SNTG1: variants seen among roughly 807,000 people sequenced by gnomAD.
SNTG1 encodes the protein gamma-1-syntrophin.
Under a neutral mutation model 74.7 loss-of-function variants are expected in SNTG1, and 39 were observed. That is an observed-to-expected ratio of 0.52 (90% confidence interval 0.40 to 0.68). The LOEUF (loss-of-function observed/expected upper bound fraction) is 0.68, where lower values mean the gene tolerates loss of function less well. Ranked by LOEUF, SNTG1 falls within the 30% of genes least tolerant of loss-of-function variation. The pLI, the probability that SNTG1 is intolerant of heterozygous loss-of-function variation, is 0.00. For synonymous variants in SNTG1, 254 were observed against 217.1 expected (o/e 1.17, Z -1.49); for missense variants, 685 against 609.5 (o/e 1.12, Z -1.30).
At chr8:50,004,171 A>G (rs1194664318) in intron 1 of SNTG1, among the ~76,000 whole-genome samples, 2 of 152,154 alleles carry the variant, frequency 1.3e-5, no homozygotes, top group Non-Finnish European at 2.9e-5. Context: ...AACGTACACA[A>G]ACCTTTAGCA....
intron 17 of SNTG1, among the ~76,000 whole-genome samples, chr8:50,741,400 G>A (rs1199795527): frequency 6.6e-6 from 1 of 151,934 alleles, no homozygotes; most frequent in Non-Finnish European, 1.5e-5. Flanking sequence ...GGGATTACAG[G>A]CACGAGCCAC....
intron 17 of SNTG1, among the ~76,000 whole-genome samples, chr8:50,724,752 A>C (rs1335894625): frequency 6.6e-6 from 1 of 152,162 alleles, no homozygotes; most frequent in Non-Finnish European, 1.5e-5. Flanking sequence ...ATCTTGCTAC[A>C]ACTCTGTGCT....
chr8:49,932,215 CAG>C (rs1807657450), intron 1 of SNTG1, among the ~76,000 whole-genome samples: 1 of 152,124 alleles, frequency 6.6e-6, no homozygotes, highest in South Asian at 2.1e-4. Context: ...GTTCCTATTA[CAG>C]CTTCTAAAAC....
chr8:50,370,456 G>A (rs1336118603), intron 2 of SNTG1, among the ~76,000 whole-genome samples: 1 of 152,116 alleles, frequency 6.6e-6, no homozygotes, highest in Non-Finnish European at 1.5e-5. Context: ...CCAGTAAATT[G>A]GAATGACTCA....
intron 1 of SNTG1, among the ~76,000 whole-genome samples, chr8:49,997,365 T>C (rs1230504229): frequency 6.6e-6 from 1 of 152,122 alleles, no homozygotes; most frequent in Non-Finnish European, 1.5e-5. Flanking sequence ...AGTATATAAA[T>C]ATATTGTTAT....
chr8:50,723,267 A>C lies in SNTG1; in HGVS notation c.1284+14289A>C, dbSNP rs538147489. Among the ~76,000 whole-genome samples the C allele has an allele frequency of 3.9e-5, 6 of 152,238 alleles. No homozygotes were observed. The East Asian group carries it at 7.7e-4, about 20-fold the overall frequency. On this transcript the variant is annotated intron_variant, in intron 17 of 18. Coordinates refer to ENST00000642720, the MANE Select transcript of SNTG1 (RefSeq NM_018967.5). ...AAAATATTCAAAAATTTCATCATAC[A>C]TTGCTATTAGTTTTGTTCATTTATT...
At chr8:50,763,910 A>T in intron 18 of SNTG1, among the ~76,000 whole-genome samples, 1 of 141,272 alleles carries the variant, frequency 7.1e-6, no homozygotes, top group South Asian at 2.3e-4. Flanking sequence ...CACACACAAA[A>T]ATAACCAAGG....
chr8:50,233,092 A>T (rs2085712919), intron 2 of SNTG1, among the ~76,000 whole-genome samples: 1 of 151,602 alleles, frequency 6.6e-6, no homozygotes, highest in Non-Finnish European at 1.5e-5. Context: ...AAGCCAAAAA[A>T]ATGTAATAGC....
intron 12 of SNTG1, among the ~76,000 whole-genome samples, chr8:50,563,033 A>G (rs113255761): frequency 7.2e-5 from 11 of 152,282 alleles, no homozygotes; most frequent in African/African-American, 2.2e-4. Flanking sequence ...ATCACAGGAA[A>G]CCAGGAGGGA....
At chr8:50,036,606 G>A (rs1280296046) in intron 1 of SNTG1, among the ~76,000 whole-genome samples, 3 of 152,166 alleles carry the variant, frequency 2.0e-5, no homozygotes, top group Admixed American at 2.0e-4. Context: ...TCATTGTTAA[G>A]GCATTCCCAG....
intron 1 of SNTG1, among the ~76,000 whole-genome samples, chr8:49,929,216 A>G (rs957352603): frequency 5.3e-5 from 8 of 152,342 alleles, no homozygotes; most frequent in Admixed American, 3.9e-4. Context: ...TCAACTTATA[A>G]ATTCCTAGAA....
At chr8:50,364,268 C>G (rs1344979906) in intron 2 of SNTG1, among the ~76,000 whole-genome samples, 1 of 152,162 alleles carries the variant, frequency 6.6e-6, no homozygotes, top group African/African-American at 2.4e-5. Flanking sequence ...ATAACATAAA[C>G]TCAGGTGTGG....
intron 3 of SNTG1, among the ~76,000 whole-genome samples, chr8:50,396,405 G>A (rs928220876): frequency 2.6e-5 from 4 of 152,280 alleles, no homozygotes; most frequent in African/African-American, 9.6e-5. Flanking sequence ...AAGGGAGTCT[G>A]GTGCCAGGAC....
At chr8:50,494,846 A>G (rs1350949683) in intron 8 of SNTG1, among the ~76,000 whole-genome samples, 2 of 152,084 alleles carry the variant, frequency 1.3e-5, no homozygotes, top group African/African-American at 4.8e-5. Context: ...ATTACCTTAA[A>G]TAAGTACAAT....
chr8:50,613,194 G>A (rs1219470519), intron 13 of SNTG1, among the ~76,000 whole-genome samples: 1 of 152,132 alleles, frequency 6.6e-6, no homozygotes, highest in East Asian at 1.9e-4. Context: ...TCTGCATATA[G>A]AATGCATATG....
chr8:50,341,514 C>T (rs1405658522), intron 2 of SNTG1, among the ~76,000 whole-genome samples: 1 of 151,686 alleles, frequency 6.6e-6, no homozygotes, highest in Non-Finnish European at 1.5e-5. Flanking sequence ...CCTTTGAATA[C>T]CTAATGATGA....
At chr8:50,602,793 G>A (rs1843004) in intron 13 of SNTG1, among the ~76,000 whole-genome samples, 2 of 151,874 alleles carry the variant, frequency 1.3e-5, no homozygotes, top group Non-Finnish European at 2.9e-5. Flanking sequence ...TAATGTAATA[G>A]TTATTTTCCT....
intron 1 of SNTG1, among the ~76,000 whole-genome samples, chr8:49,964,284 C>T (rs1463075380): frequency 2.0e-4 from 30 of 152,166 alleles, no homozygotes; most frequent in Admixed American, 2.0e-3. Flanking sequence ...GGAGTCTTGC[C>T]ACATACTGCC....
At position 50,415,809 on chromosome 8, in the gene SNTG1, C is replaced by A. The variant is rs540149174; in HGVS notation, c.162+13465C>A. ...AATTTATAAGTGGAATGTGGGTAAC[C>A]AAAGCCCAGAGTTTAAATAAGCCTT... is the stretch of plus-strand genomic sequence containing the variant. On this transcript the variant is annotated intron_variant, in intron 4 of 18. Transcript: ENST00000642720. 3.9e-5 allele frequency among the ~76,000 whole-genome samples: 6 copies of A among 152,028 alleles called. No homozygotes were observed. The South Asian group carries it at 1.2e-3, about 32-fold the overall frequency.
Sources: gnomAD v4.1 joint callset for allele counts (sites outside exome capture counted in the v4.1 genomes callset) on GRCh38, gnomAD v4.1.1 for gene constraint, MANE v1.5 for transcripts, NCBI Gene and HGNC (gene_info 2026-07-23, HGNC 2026-07-21) for gene names.